GFRA1: variants seen among roughly 807,000 people sequenced by gnomAD.
The protein encoded by GFRA1 is GDNF family receptor alpha 1.
In GFRA1, 16 loss-of-function variants were observed where a neutral mutation model predicts 51.6. That is an observed-to-expected ratio of 0.31 (90% CI 0.21 to 0.47). The LOEUF (loss-of-function observed/expected upper bound fraction) is 0.47, where lower values mean the gene tolerates loss of function less well. Among genes scored for constraint, GFRA1 ranks in the 20% least tolerant of loss-of-function variants. The pLI is 1.00. For missense variants in GFRA1, 530 were observed against 594.3 expected, an observed-to-expected ratio of 0.89 and a Z score of 1.13; for synonymous variants, 270 against 241.3, an observed-to-expected ratio of 1.12 and a Z score of -1.10.
At chr10:116,093,876 G>A in intron 7 of GFRA1, 40 bp from the exon 8 acceptor site, 2 of 1,606,594 alleles carry the variant, frequency 1.2e-6, no homozygotes, top group Non-Finnish European at 1.7e-6. Flanking sequence ...GTTGTATGAT[G>A]ATACTTTTCC....
intron 2 of GFRA1, 45 bp from the exon 3 acceptor site, chr10:116,271,160 C>G (rs746965979): frequency 1.3e-6 from 2 of 1,539,712 alleles, no homozygotes; most frequent in Non-Finnish European, 1.8e-6. Context: ...GGGCGGGGAC[C>G]CCGGCCGCCC....
chr10:116,117,174 G>A (rs1157009026), intron 6 of GFRA1, among the ~76,000 whole-genome samples: 1 of 152,196 alleles, frequency 6.6e-6, no homozygotes, highest in East Asian at 1.9e-4. Context: ...GATCACGTTT[G>A]TGTGGGTGTA....
chr10:116,132,675 C>T (rs999412269), intron 5 of GFRA1, among the ~76,000 whole-genome samples: 1 of 152,090 alleles, frequency 6.6e-6, no homozygotes, highest in African/African-American at 2.4e-5. Context: ...ATAAACACTG[C>T]TGAAATCACA....
intron 5 of GFRA1, among the ~76,000 whole-genome samples, chr10:116,184,859 C>T (rs1044488332): frequency 6.6e-5 from 10 of 152,252 alleles, no homozygotes; most frequent in Admixed American, 1.3e-4. Flanking sequence ...ACCAAGGGCC[C>T]ACATGTCCCC....
chr10:116,172,786 G>A (rs918541986), intron 5 of GFRA1, among the ~76,000 whole-genome samples: 8 of 152,160 alleles, frequency 5.3e-5, no homozygotes, highest in Admixed American at 1.3e-4. Flanking sequence ...TGGGGCAGTC[G>A]CCACCTGAGG....
intron 6 of GFRA1, among the ~76,000 whole-genome samples, chr10:116,104,508 G>C (rs1327153373): frequency 2.0e-5 from 3 of 152,214 alleles, no homozygotes; most frequent in Admixed American, 2.0e-4. Flanking sequence ...GCTGAGAATG[G>C]AGTTCCGGCG....
intron 9 of GFRA1, among the ~76,000 whole-genome samples, chr10:116,074,088 G>A (rs1320463677): frequency 6.6e-6 from 1 of 152,136 alleles, no homozygotes; most frequent in Non-Finnish European, 1.5e-5. Flanking sequence ...GCCTTCACCC[G>A]ATGATGATCC....
chr10:116,195,288 A>G (rs1963635750), intron 5 of GFRA1, among the ~76,000 whole-genome samples: 1 of 152,184 alleles, frequency 6.6e-6, no homozygotes, highest in African/African-American at 2.4e-5. Flanking sequence ...TGAGACACAC[A>G]GCATGCCAGA....
At chr10:116,080,506 T>C (rs1421979761) in intron 9 of GFRA1, among the ~76,000 whole-genome samples, 1 of 152,164 alleles carries the variant, frequency 6.6e-6, no homozygotes, top group Non-Finnish European at 1.5e-5. Context: ...ATAAAACATT[T>C]AAAAAATAAA....
chr10:116,113,701 G>C (rs537209695), intron 6 of GFRA1, among the ~76,000 whole-genome samples: 1 of 152,222 alleles, frequency 6.6e-6, no homozygotes, highest in African/African-American at 2.4e-5. Context: ...ACTATGGAGT[G>C]GGACAGCAGA....
chr10:116,066,543 C>T (rs74158557), intron 9 of GFRA1, among the ~76,000 whole-genome samples: 2,233 of 152,238 alleles, frequency 0.015, 55 homozygotes, highest in African/African-American at 0.05. Flanking sequence ...AGTGAAAATG[C>T]GTGTGAAAAC....
intron 6 of GFRA1, among the ~76,000 whole-genome samples, chr10:116,112,061 A>G (rs1299949477): frequency 1.3e-5 from 2 of 152,254 alleles, no homozygotes; most frequent in Non-Finnish European, 2.9e-5. Flanking sequence ...GTCCAATAGG[A>G]AAAAAGCAAA....
At chr10:116,271,533 C>T (rs1296566505) in intron 2 of GFRA1, among the ~76,000 whole-genome samples, 7 of 152,060 alleles carry the variant, frequency 4.6e-5, no homozygotes, top group East Asian at 1.9e-4. Context: ...GACTGGGCAC[C>T]GGGCGCGCGC....
chr10:116,181,809 A>T (rs566692337), intron 5 of GFRA1, among the ~76,000 whole-genome samples: 1 of 152,110 alleles, frequency 6.6e-6, no homozygotes, highest in Non-Finnish European at 1.5e-5. Flanking sequence ...ATGCCCGGCT[A>T]ATTTTTTGTA....
At chr10:116,224,035 C>T (rs1250075850) in intron 4 of GFRA1, among the ~76,000 whole-genome samples, 1 of 152,162 alleles carries the variant, frequency 6.6e-6, no homozygotes, top group Non-Finnish European at 1.5e-5. Flanking sequence ...GAGCATCGCT[C>T]ACTAGGCAAT....
chr10:116,256,178 G>A (rs967854292), intron 4 of GFRA1, among the ~76,000 whole-genome samples: 1 of 152,184 alleles, frequency 6.6e-6, no homozygotes, highest in African/African-American at 2.4e-5. Flanking sequence ...AACGTTGCAA[G>A]TAACTATTTA....
intron 4 of GFRA1, among the ~76,000 whole-genome samples, chr10:116,250,009 G>C (rs1968192609): frequency 6.6e-6 from 1 of 152,190 alleles, no homozygotes; most frequent in African/African-American, 2.4e-5. Context: ...ACAAAGAGGA[G>C]CCAGCTAAGT....
chr10:116,117,670 G>T (rs1957483606), intron 6 of GFRA1, among the ~76,000 whole-genome samples: 2 of 152,020 alleles, frequency 1.3e-5, no homozygotes, highest in African/African-American at 4.8e-5. Flanking sequence ...GTGGGATGGG[G>T]GATGGAAGTA....
At chr10:116,104,521 G>T (rs1283041293) in intron 6 of GFRA1, among the ~76,000 whole-genome samples, 1 of 152,220 alleles carries the variant, frequency 6.6e-6, no homozygotes, top group Middle Eastern at 3.2e-3. Flanking sequence ...TTCCGGCGAT[G>T]CAGATGGAAT....
Sources: allele counts gnomAD v4.1 joint callset (sites outside exome capture counted in the v4.1 genomes callset), GRCh38; gene constraint gnomAD v4.1.1; transcripts MANE v1.5; gene names NCBI Gene and HGNC (gene_info 2026-07-23, HGNC 2026-07-21).